The following MGAT1 variants were observed in gnomAD, a reference collection of about 807,000 sequenced individuals.
MGAT1 encodes N-glycosyl-oligosaccharide-glycoprotein N-acetylglucosaminyltransferase I.
Under a neutral mutation model 31.7 loss-of-function variants are expected in MGAT1, and 14 were observed. The observed-to-expected ratio is 0.44, with a 90% CI of 0.29 to 0.69. The LOEUF (loss-of-function observed/expected upper bound fraction) is 0.69. Ranked by LOEUF, MGAT1 falls within the 30% of genes least tolerant of loss-of-function variation. The pLI, the probability that MGAT1 is intolerant of heterozygous loss-of-function variation, is 0.12. For missense variants in MGAT1, 557 were observed against 626.0 expected (o/e 0.89, Z 1.18); for synonymous variants, 338 against 276.0 (o/e 1.22, Z -2.23).
In MGAT1 at chr5:180,787,446, A is replaced by G. The variant is rs1394466147; in HGVS notation, c.*4188T>C. On this transcript the variant is annotated 3_prime_UTR_variant, in exon 2 of 2. Coordinates refer to ENST00000307826, the MANE Select transcript of MGAT1 (RefSeq NM_002406.4). Reference sequence around the variant, plus strand: ...CAGAAAGAGGGCAAGCTTCTGTTCTATACATTTGTATGTTATTTAAAGTTA... The same window carrying G: ...CAGAAAGAGGGCAAGCTTCTGTTCTGTACATTTGTATGTTATTTAAAGTTA... The G allele has an allele frequency of 6.6e-6, 1 of 152,236 alleles. No individual in the cohort carries two copies. The highest frequency in any genetic ancestry group is 1.9e-4 in the East Asian group (1 of 5,200). 9.4% of individuals were successfully genotyped at this position (152,236 alleles called of 1,614,324 possible). A position where few individuals can be genotyped will look rare whatever the true frequency, so the allele number is the denominator to read the frequency against.
intron 1 of MGAT1, among the ~76,000 whole-genome samples, chr5:180,797,398 T>A (rs1182387711): frequency 1.6e-5 from 1 of 63,454 alleles, no homozygotes; most frequent in Non-Finnish European, 2.7e-5. Context: ...CAAGACTCCA[T>A]CCCCCACCAA....
In MGAT1 at chr5:180,791,905, C is replaced by A; in HGVS notation, c.1067G>T (p.Arg356Leu). The change falls in exon 2 of 2, where the codon CGA (arginine) becomes CTA (leucine). Residue 356 changes from arginine (R) to leucine (L), a missense_variant. By Grantham distance (102) the Arg-to-Leu change is moderately radical. Around this residue, in one of 3 missense-constraint regions of MGAT1, gnomAD observed 145 missense variants for 143.2 expected, o/e 1.01. Transcript: ENST00000307826. ...LSYLQREAYD[R>L]DFLARVYGAP... ...ACCGTAGACGCGGGCGAGGAAATCT[C>A]GGTCATAGGCCTCCCGCTGCAGGTA... The A allele has an allele frequency of 6.2e-7, 1 of 1,614,232 alleles. No individual in the cohort carries two copies. Among genetic ancestry groups the A allele is most frequent in the Non-Finnish European group, 8.5e-7 (1 of 1,180,052 alleles).
chr5:180,802,842 G>A (rs1260782070), upstream of MGAT1: 1 of 151,438 alleles, frequency 6.6e-6, no homozygotes, highest in Non-Finnish European at 1.5e-5. Context: ...CGGGCAACGT[G>A]GCCCTTCCCC....
rs369130888 is a variant in MGAT1 at position 180,807,907 on chromosome 5, T to C, written c.-127+741A>G. On this transcript the variant is annotated intron_variant, in intron 2 of 2. Coordinates refer to the MGAT1 transcript ENST00000333055. ...GTTGTTTCTGTGCTTTTAAGGCACG[T>C]AGAGCAACATCGATGTTATTGTTTC... is the stretch of plus-strand genomic sequence containing the variant. Among the ~76,000 whole-genome samples, 116 of 152,362 alleles carry C rather than the reference T, an allele frequency of 7.6e-4. 2 individuals carry two copies. In the South Asian group the frequency reaches 0.022, roughly 29 times the overall value.
In MGAT1 at chr5:180,785,379, T is replaced by C. The variant is rs1236015306; in HGVS notation, c.*6255A>G. On this transcript the variant is annotated 3_prime_UTR_variant, in exon 2 of 2. Transcript: ENST00000307826. ...TTGCCCACCATTTGTGAGTCAGAAA[T>C]TCAGGCAGCCCTCGGCTGGGCAGTA... 1 of 152,260 alleles carries C rather than the reference T, an allele frequency of 6.6e-6. No homozygotes were observed. The highest frequency in any genetic ancestry group is 1.5e-5 in the Non-Finnish European group (1 of 68,050). 9.4% of individuals were successfully genotyped at this position (152,260 alleles called of 1,614,324 possible).
chr5:180,811,270 C>T (rs1772544868), intron 1 of MGAT1: 2 of 152,190 alleles, frequency 1.3e-5, no homozygotes, highest in South Asian at 2.1e-4. Flanking sequence ...TTAACATTTC[C>T]ATTACTGGGA....
In MGAT1 at chr5:180,791,664, C is replaced by T. The variant is rs190419483; in HGVS notation, c.1308G>A (p.Thr436=). 121 of 1,613,820 alleles carry T rather than the reference C, an allele frequency of 7.5e-5. 1 individual carries two copies. The East Asian group carries it at 2.5e-3, about 33-fold the overall frequency. Residue 436 remains threonine, a synonymous_variant, in exon 2 of 2, where the codon ACG becomes ACA. Transcript: ENST00000307826. ...GRRVHLAPPL[T]WEGYDPSWN The stretch of plus-strand genomic sequence containing the variant: ...TCCAGCTAGGATCATAGCCCTCCCA[C>T]GTCAGTGGGGGCGCCAGGTGGACAC...
At chr5:180,801,853 T>C (rs1770839005) in intron 1 of MGAT1, among the ~76,000 whole-genome samples, 1 of 152,170 alleles carries the variant, frequency 6.6e-6, no homozygotes. Context: ...CCGCAGTGCT[T>C]CTAACAGTGA....
At chr5:180,813,638 A>G (rs1354698926) in intron 1 of MGAT1, among the ~76,000 whole-genome samples, 1 of 152,184 alleles carries the variant, frequency 6.6e-6, no homozygotes, top group Non-Finnish European at 1.5e-5. Flanking sequence ...TGGAGTCTCC[A>G]TGGGCAGAGT....
chr5:180,792,973 C>G lies in MGAT1; in HGVS notation c.-2G>C. The G allele has an allele frequency of 1.2e-6, 2 of 1,613,144 alleles. No individual in the cohort carries two copies. Among genetic ancestry groups the G allele is most frequent in the Non-Finnish European group, 8.5e-7 (1 of 1,179,878 alleles). ...CCCTGCAGACTGCTTCTTCAGCATC[C>G]TGGCCCCCACCGGGGAGGGCAGGCC... is the stretch of plus-strand genomic sequence containing the variant. On this transcript the variant is annotated 5_prime_UTR_variant, in exon 2 of 2. Transcript: ENST00000307826.
At chr5:180,807,956 T>C (rs1217619617) in intron 2 of MGAT1, among the ~76,000 whole-genome samples, 1 of 152,206 alleles carries the variant, frequency 6.6e-6, no homozygotes, top group Non-Finnish European at 1.5e-5. Context: ...CCTGGATACT[T>C]TTCAAAATCC....
chr5:180,798,166 G>C (rs555377366), intron 1 of MGAT1, among the ~76,000 whole-genome samples: 2 of 152,124 alleles, frequency 1.3e-5, no homozygotes, highest in Non-Finnish European at 2.9e-5. Flanking sequence ...TGTGAAGATC[G>C]GATGAGATGA....
Position 180,786,105 on chromosome 5 carries a change from T to C in MGAT1, c.*5529A>G, listed in dbSNP as rs932529653. 2 of 152,304 alleles carry C rather than the reference T, an allele frequency of 1.3e-5. No individual in the cohort carries two copies. The highest frequency in any genetic ancestry group is 6.5e-5 in the Admixed American group (1 of 15,292). 9.4% of individuals were successfully genotyped at this position (152,304 alleles called of 1,614,324 possible). ...AGCATTTGCTGTGAGCTGGGAGCCA[T>C]GTGTTGAAGACGGCGGAACAACAAA... On this transcript the variant is annotated 3_prime_UTR_variant, in exon 2 of 2. Transcript: ENST00000307826.
chr5:180,792,514 G>T lies in MGAT1; in HGVS notation c.458C>A (p.Ala153Asp). The change falls in exon 2 of 2, where the codon GCC becomes GAC. Residue 153 changes from alanine to aspartate, a missense_variant. Transcript: ENST00000307826. ...GTGCGTGACCGCGCTGCCGTAGGAG[G>T]CGATGGCCTGGGCCGTCTCCTCGTG... ...CGHEETAQAI[A>D]SYGSAVTHIR... 1 of 1,613,010 alleles carries T rather than the reference G, an allele frequency of 6.2e-7. No individual in the cohort carries two copies. Among genetic ancestry groups the T allele is most frequent in the South Asian group, 1.1e-5 (1 of 91,066 alleles).
At chr5:180,799,878 G>A (rs1051838005) in intron 1 of MGAT1, among the ~76,000 whole-genome samples, 4 of 152,078 alleles carry the variant, frequency 2.6e-5, no homozygotes, top group Non-Finnish European at 5.9e-5. Context: ...TGACTCCTAG[G>A]ACCCTGCTAT....
In MGAT1 at chr5:180,785,505, C is replaced by T. The variant is rs1344676708; in HGVS notation, c.*6129G>A. The T allele has an allele frequency of 2.0e-5, 3 of 152,350 alleles. No homozygotes were observed. The highest frequency in any genetic ancestry group is 4.1e-4 in the South Asian group (2 of 4,834). 9.4% of individuals were successfully genotyped at this position (152,350 alleles called of 1,614,324 possible). A position where few individuals can be genotyped will look rare whatever the true frequency, so the allele number is the denominator to read the frequency against. ...GCCATGGGTGACGGTGGCCGTGGGCCACTCCCCAGAACCCTCCAGCAAGGG... is the reference window on the plus strand; with the variant it reads ...GCCATGGGTGACGGTGGCCGTGGGCTACTCCCCAGAACCCTCCAGCAAGGG... On this transcript the variant is annotated 3_prime_UTR_variant, in exon 2 of 2. Transcript: ENST00000307826.
At chr5:180,805,401 T>C (rs1771715232), upstream of MGAT1, among the ~76,000 whole-genome samples, 1 of 152,206 alleles carries the variant, frequency 6.6e-6, no homozygotes. Context: ...CTTTTTACAA[T>C]TTGGAAAGAA....
upstream of MGAT1, among the ~76,000 whole-genome samples, chr5:180,805,130 A>G (rs963342471): frequency 6.6e-6 from 1 of 152,170 alleles, no homozygotes; most frequent in African/African-American, 2.4e-5. Context: ...GACTGGAGTA[A>G]GAAGGATAGA....
intron 1 of MGAT1, among the ~76,000 whole-genome samples, chr5:180,799,634 C>T (rs1211824308): frequency 6.6e-6 from 1 of 152,148 alleles, no homozygotes; most frequent in Non-Finnish European, 1.5e-5. Context: ...GCACTATTAC[C>T]GAAATCAGGG....
Sources: allele counts gnomAD v4.1 joint callset (sites outside exome capture counted in the v4.1 genomes callset), GRCh38; gene constraint gnomAD v4.1.1; regional missense constraint gnomAD v4.1.1; transcripts MANE v1.5; gene names NCBI Gene and HGNC (gene_info 2026-07-23, HGNC 2026-07-21).